The following DNAAF9 variants were observed in gnomAD, a reference collection of about 807,000 sequenced individuals.
DNAAF9 encodes the protein shulin.
In DNAAF9, 90 loss-of-function variants were observed where a neutral mutation model predicts 167.0. The observed-to-expected ratio is 0.54, with a 90% confidence interval of 0.45 to 0.64. The LOEUF (loss-of-function observed/expected upper bound fraction) is 0.64. Ranked by LOEUF, DNAAF9 falls within the 30% of genes least tolerant of loss-of-function variation. The probability of loss-of-function intolerance (pLI) is 0.00; values close to 1 mark genes in which losing one functional copy is unlikely to be tolerated. For synonymous variants in DNAAF9, 491 were observed against 508.8 expected (o/e 0.96, Z 0.47); for missense variants, 1,315 against 1,442.2 (o/e 0.91, Z 1.43).
rs114884009 is a variant in DNAAF9 at position 3,370,093 on chromosome 20, T to C, written c.612+3955A>G. Among the ~76,000 whole-genome samples the C allele has an allele frequency of 5.4e-3, 827 of 152,340 alleles. 2 individuals carry two copies. Among genetic ancestry groups the C allele is most frequent in the Middle Eastern group, 6.8e-3 (2 of 294 alleles). The stretch of plus-strand genomic sequence containing the variant: ...ATGAAAAGGCTAACTGGAAGGTGTA[T>C]ATTCCTGATAACTGTTATGCAGAGC... On this transcript the variant is annotated intron_variant, in intron 6 of 36. Coordinates refer to ENST00000252032, the MANE Select transcript of DNAAF9 (RefSeq NM_001009984.3).
intron 27 of DNAAF9, among the ~76,000 whole-genome samples, chr20:3,282,856 C>T (rs1047435103): frequency 2.6e-5 from 4 of 152,206 alleles, no homozygotes; most frequent in African/African-American, 9.7e-5. Flanking sequence ...TACGGACAGG[C>T]ATCCTCTGAC....
At chr20:3,344,613 A>G (rs1287559652) in intron 8 of DNAAF9, among the ~76,000 whole-genome samples, 1 of 147,594 alleles carries the variant, frequency 6.8e-6, no homozygotes, top group Non-Finnish European at 1.5e-5. Context: ...ACACACACAC[A>G]CACACACACA....
At chr20:3,314,520 A>G (rs2069469627) in intron 20 of DNAAF9, among the ~76,000 whole-genome samples, 1 of 152,160 alleles carries the variant, frequency 6.6e-6, no homozygotes, top group African/African-American at 2.4e-5. Context: ...AGCGAAAGGA[A>G]ACAACATCCT....
chr20:3,369,969 CT>C (rs1055300954), intron 6 of DNAAF9, among the ~76,000 whole-genome samples: 1 of 146,276 alleles, frequency 6.8e-6, no homozygotes, highest in African/African-American at 2.5e-5. Context: ...AACTGGTCTT[CT>C]TTTAAAAAAA....
intron 6 of DNAAF9, among the ~76,000 whole-genome samples, chr20:3,365,012 T>C (rs1241269670): frequency 6.6e-6 from 1 of 150,862 alleles, no homozygotes; most frequent in Non-Finnish European, 1.5e-5. Context: ...GGCACAATCA[T>C]AGCTCACTGC....
chr20:3,288,308 G>C (rs975438817), intron 26 of DNAAF9, among the ~76,000 whole-genome samples: 1 of 152,144 alleles, frequency 6.6e-6, no homozygotes, highest in African/African-American at 2.4e-5. Context: ...AAATCAGTAG[G>C]GCTTGGTGGC....
At chr20:3,348,482 A>T (rs758144505) in intron 8 of DNAAF9, 43 bp downstream of exon 8, 2 of 1,008,848 alleles carry the variant, frequency 2.0e-6, no homozygotes, top group Non-Finnish European at 3.0e-6. Flanking sequence ...CAATAAATAA[A>T]TTAACCATTT....
At chr20:3,368,236 G>A (rs1182738526) in intron 6 of DNAAF9, among the ~76,000 whole-genome samples, 2 of 152,120 alleles carry the variant, frequency 1.3e-5, no homozygotes, top group Admixed American at 6.6e-5. Flanking sequence ...CTCAGGGAGT[G>A]CGCTGGGCAC....
intron 8 of DNAAF9, among the ~76,000 whole-genome samples, chr20:3,344,197 A>G (rs968443807): frequency 6.6e-6 from 1 of 152,138 alleles, no homozygotes; most frequent in African/African-American, 2.4e-5. Context: ...TGCTAATCCA[A>G]GGAATTTCGA....
rs1440582316 is a variant in DNAAF9 at position 3,287,761 on chromosome 20, C to T, written c.2357G>A (p.Ser786Asn). Residue 786 changes from serine to asparagine, a missense_variant, in exon 27 of 37, where the codon AGC (serine) becomes AAC (asparagine). Ser to Asn is a conservative substitution (Grantham distance 46, BLOSUM62 1). This residue lies in a region of DNAAF9 where 981 missense variants were observed against 1,012.5 expected (regional missense o/e 0.97). Transcript: ENST00000252032. ...RWMVYRQIMD[S>N]SECFHAAHFQ... is the part of the protein sequence containing the mutation. Reference sequence around the variant, plus strand: ...GTGTGCAGCATGAAAACATTCAGAGCTGTCCATGATTTGGCGATACACCAT... The same window carrying T: ...GTGTGCAGCATGAAAACATTCAGAGTTGTCCATGATTTGGCGATACACCAT... 7 of 1,614,096 alleles carry T rather than the reference C, an allele frequency of 4.3e-6. No homozygotes were observed. In the Admixed American group the frequency reaches 5.0e-5, roughly 12 times the overall value.
chr20:3,254,534 T>A (rs1450510412), intron 35 of DNAAF9, among the ~76,000 whole-genome samples: 1 of 152,216 alleles, frequency 6.6e-6, no homozygotes, highest in Non-Finnish European at 1.5e-5. Flanking sequence ...AAGGACTACC[T>A]TATGCCCATG....
At chr20:3,343,780 C>G in intron 8 of DNAAF9, 49 bp from the exon 9 acceptor site, 1 of 1,452,364 alleles carries the variant, frequency 6.9e-7, no homozygotes. Flanking sequence ...TTTGGTAAAA[C>G]AGTCATAAAA....
chr20:3,371,740 A>G (rs1298452498), intron 6 of DNAAF9, among the ~76,000 whole-genome samples: 3 of 151,990 alleles, frequency 2.0e-5, no homozygotes, highest in East Asian at 1.9e-4. Flanking sequence ...TTCTTATTCT[A>G]TCTTTCAATA....
In DNAAF9 at chr20:3,294,648, A is replaced by T. The variant is rs774935728; in HGVS notation, c.2019-19T>A. On this transcript the variant is annotated intron_variant, in intron 23 of 36. Coordinates refer to ENST00000252032, the MANE Select transcript of DNAAF9 (RefSeq NM_001009984.3). ...GGAGTGCCTGGAATAACAAAAGCTC[A>T]CAGATTAGAAGTCCATCTTCCTTCA... The T allele has an allele frequency of 3.4e-6, 5 of 1,489,136 alleles. No homozygotes were observed. Among genetic ancestry groups the T allele is most frequent in the Non-Finnish European group, 4.7e-6 (5 of 1,066,398 alleles). The allele number at this position is 1,489,136 out of a possible 1,614,324, so 92.2% of individuals were successfully genotyped here.
chr20:3,292,187 G>A (rs1293135465), intron 25 of DNAAF9, among the ~76,000 whole-genome samples: 2 of 151,742 alleles, frequency 1.3e-5, no homozygotes, highest in African/African-American at 4.8e-5. Flanking sequence ...TTTAGTAGAG[G>A]CGCGGTTTCA....
chr20:3,281,711 C>T lies in DNAAF9; in HGVS notation c.2542G>A (p.Val848Ile), dbSNP rs2068767045. 1 of 1,612,798 alleles carries T rather than the reference C, an allele frequency of 6.2e-7. No individual in the cohort carries two copies. The highest frequency in any genetic ancestry group is 2.2e-5 in the East Asian group (1 of 44,814). The change falls in exon 28 of 37, where the codon GTC becomes ATC. Residue 848 changes from valine to isoleucine, a missense_variant. Coordinates refer to ENST00000252032, the MANE Select transcript of DNAAF9 (RefSeq NM_001009984.3). ...GCACCAATGGTGAAGGAGGCCTTGA[C>T]ATTTGAGTCTGGGTGGGTCTGCAGG... is the stretch of plus-strand genomic sequence containing the variant. ...QALQTHPDSN[V>I]KASFTIGAIT...
intron 9 of DNAAF9, 142 bp from the exon 10 acceptor site, chr20:3,340,781 A>G (rs2070069007): frequency 1.4e-6 from 1 of 695,954 alleles, no homozygotes; most frequent in Non-Finnish European, 2.5e-6. Context: ...TCGACCGAAT[A>G]TCCTTGGCTG....
intron 17 of DNAAF9, 60 bp from the exon 18 acceptor site, chr20:3,316,853 C>A: frequency 8.3e-7 from 1 of 1,203,246 alleles, no homozygotes; most frequent in Non-Finnish European, 1.2e-6. Flanking sequence ...GCCTTGCAGG[C>A]CCCAGACCCT....
Position 3,348,563 on chromosome 20 carries a change from G to A in DNAAF9, c.751C>T (p.Pro251Ser). The A allele has an allele frequency of 1.2e-6, 2 of 1,603,830 alleles. No homozygotes were observed. The highest frequency in any genetic ancestry group is 1.7e-6 in the Non-Finnish European group (2 of 1,173,794). Residue 251 changes from proline (P) to serine (S), a missense_variant, in exon 8 of 37, where the codon CCT becomes TCT. Coordinates refer to ENST00000252032, the MANE Select transcript of DNAAF9 (RefSeq NM_001009984.3). ...SFFANFDTEI[P>S]FLLELSESQA... The stretch of plus-strand genomic sequence containing the variant: ...GATTCTGAAAGTTCTAGCAGGAAAG[G>A]AATTTCTGTGTCAAAATTAGCGAAG...
Sources: gnomAD v4.1 joint callset for allele counts (sites outside exome capture counted in the v4.1 genomes callset) on GRCh38, gnomAD v4.1.1 for gene constraint, gnomAD v4.1.1 regional missense constraint, MANE v1.5 for transcripts, NCBI Gene and HGNC (gene_info 2026-07-23, HGNC 2026-07-21) for gene names.